The following SHC3 variants were observed in gnomAD, a reference collection of about 807,000 sequenced individuals.
The protein encoded by SHC3 is SHC-transforming protein 3.
A neutral mutation model predicts 60.4 loss-of-function variants in SHC3; 15 were observed. That is an observed-to-expected ratio of 0.25 (90% CI 0.17 to 0.38). The LOEUF is 0.38. Ranked by LOEUF, SHC3 falls within the 10% of genes least tolerant of loss-of-function variation. The pLI, the probability that SHC3 is intolerant of heterozygous loss-of-function variation, is 1.00. For synonymous variants in SHC3, 294 were observed against 325.9 expected, an observed-to-expected ratio of 0.90 and a Z score of 1.05; for missense variants, 677 against 786.1, an observed-to-expected ratio of 0.86 and a Z score of 1.66.
chr9:89,038,892 G>GT (rs1316526242), intron 10 of SHC3, among the ~76,000 whole-genome samples: 1 of 152,168 alleles, frequency 6.6e-6, no homozygotes, highest in Non-Finnish European at 1.5e-5. Flanking sequence ...TTTCCCTGTG[G>GT]AACGAGGCTC....
intron 7 of SHC3, among the ~76,000 whole-genome samples, chr9:89,048,169 G>A (rs1197449806): frequency 1.3e-5 from 2 of 151,540 alleles, no homozygotes; most frequent in Non-Finnish European, 2.9e-5. Flanking sequence ...GCTTGAACCC[G>A]GGAGGTGGAT....
intron 2 of SHC3, among the ~76,000 whole-genome samples, chr9:89,090,737 A>G (rs988209134): frequency 2.0e-5 from 3 of 152,224 alleles, no homozygotes; most frequent in Non-Finnish European, 2.9e-5. Context: ...ACAACAGGGA[A>G]CCCAAGAAAA....
chr9:89,051,628 G>C lies in SHC3; in HGVS notation c.962+409C>G, dbSNP rs553312942. On this transcript the variant is annotated intron_variant, in intron 7 of 11. Coordinates refer to ENST00000375835, the MANE Select transcript of SHC3 (RefSeq NM_016848.6). ...GCCGGTAGCCAGCACAGTGCCTCAC[G>C]GAGGGGACCTCTTGTAGCACGACTT... is the stretch of plus-strand genomic sequence containing the variant. Among the ~76,000 whole-genome samples, 69 of 152,302 alleles carry C rather than the reference G, an allele frequency of 4.5e-4. 1 individual carries two copies. Among genetic ancestry groups the C allele is most frequent in the Non-Finnish European group, 9.0e-4 (61 of 68,034 alleles).
intron 11 of SHC3, among the ~76,000 whole-genome samples, chr9:89,024,241 G>A: frequency 6.6e-6 from 1 of 152,156 alleles, no homozygotes; most frequent in Non-Finnish European, 1.5e-5. Context: ...TGCACAAGCA[G>A]CATCCTGTGC....
At chr9:89,017,286 G>A (rs1460371431) in intron 11 of SHC3, among the ~76,000 whole-genome samples, 1 of 152,182 alleles carries the variant, frequency 6.6e-6, no homozygotes. Flanking sequence ...CACGGTACTA[G>A]TACTGAAACA....
chr9:89,022,796 G>A (rs774558905), intron 11 of SHC3, among the ~76,000 whole-genome samples: 1 of 152,142 alleles, frequency 6.6e-6, no homozygotes, highest in Non-Finnish European at 1.5e-5. Flanking sequence ...CTTATTTTAA[G>A]TGCATCTTAT....
intron 2 of SHC3, among the ~76,000 whole-genome samples, chr9:89,083,522 C>T (rs1825479657): frequency 6.6e-6 from 1 of 152,196 alleles, no homozygotes. Flanking sequence ...CGCCTTTTTA[C>T]TAGACCCTGA....
chr9:89,161,119 G>A (rs1826698758), intron 1 of SHC3, among the ~76,000 whole-genome samples: 1 of 152,098 alleles, frequency 6.6e-6, no homozygotes, highest in South Asian at 2.1e-4. Flanking sequence ...TTTGGATCTG[G>A]TCCCCACCCA....
At chr9:89,083,387 C>T (rs1038786665) in intron 2 of SHC3, among the ~76,000 whole-genome samples, 5 of 152,172 alleles carry the variant, frequency 3.3e-5, no homozygotes, top group African/African-American at 7.2e-5. Context: ...GGACAGTGGA[C>T]GTGCAGGAGC....
chr9:89,104,761 C>A (rs949947420), intron 2 of SHC3, among the ~76,000 whole-genome samples: 7 of 152,208 alleles, frequency 4.6e-5, no homozygotes, highest in South Asian at 2.1e-4. Context: ...ATCCTCTCAC[C>A]CTCCAATCCA....
chr9:89,059,356 T>TG (rs1825026073), intron 6 of SHC3, among the ~76,000 whole-genome samples: 1 of 92,594 alleles, frequency 1.1e-5, no homozygotes, highest in Non-Finnish European at 1.9e-5. Flanking sequence ...TGGTGGAGGA[T>TG]GTAGTGGAGG....
intron 7 of SHC3, among the ~76,000 whole-genome samples, chr9:89,048,072 T>C (rs1056968389): frequency 2.6e-5 from 4 of 151,978 alleles, no homozygotes; most frequent in African/African-American, 9.7e-5. Context: ...GGTGAAACCC[T>C]GTCTCTACTA....
At chr9:89,064,865 G>GA (rs1237775890) in intron 6 of SHC3, among the ~76,000 whole-genome samples, 1 of 152,050 alleles carries the variant, frequency 6.6e-6, no homozygotes, top group Non-Finnish European at 1.5e-5. Context: ...GGGGTAGGGG[G>GA]GTAGTGAAAG....
At chr9:89,093,941 TA>T (rs1825662715) in intron 2 of SHC3, among the ~76,000 whole-genome samples, 1 of 151,824 alleles carries the variant, frequency 6.6e-6, no homozygotes, top group Admixed American at 6.6e-5. Flanking sequence ...CCATCTCTAC[TA>T]AAAGTACAAA....
chr9:89,054,951 C>T (rs1317952146), intron 6 of SHC3, among the ~76,000 whole-genome samples: 4 of 152,228 alleles, frequency 2.6e-5, no homozygotes, highest in African/African-American at 4.8e-5. Flanking sequence ...CAAGCTGCCC[C>T]GGAGCAGCCA....
At chr9:89,017,837 A>G (rs766648353) in intron 11 of SHC3, among the ~76,000 whole-genome samples, 1 of 152,260 alleles carries the variant, frequency 6.6e-6, no homozygotes, top group Non-Finnish European at 1.5e-5. Context: ...GCCAAAGGAT[A>G]TGAACAGACA....
At chr9:89,084,110 A>G (rs1825489701) in intron 2 of SHC3, among the ~76,000 whole-genome samples, 1 of 152,212 alleles carries the variant, frequency 6.6e-6, no homozygotes, top group Non-Finnish European at 1.5e-5. Context: ...ATGTGTTGAA[A>G]TCACTTTAAT....
Position 89,065,514 on chromosome 9 carries a change from T to C in SHC3, c.835+15A>G. ...GTACACAAACAAGAGATTAAAGGGGTCAAGCACCGCTTACCTCTGCGATTA... is the reference window on the plus strand; with the variant it reads ...GTACACAAACAAGAGATTAAAGGGGCCAAGCACCGCTTACCTCTGCGATTA... On this transcript the variant is annotated intron_variant, in intron 6 of 11. Coordinates refer to ENST00000375835, the MANE Select transcript of SHC3 (RefSeq NM_016848.6). The C allele has an allele frequency of 1.9e-6, 3 of 1,613,548 alleles. No homozygotes were observed. Among genetic ancestry groups the C allele is most frequent in the African/African-American group, 1.3e-5 (1 of 74,850 alleles).
chr9:89,120,733 A>T (rs1351625491), intron 1 of SHC3, among the ~76,000 whole-genome samples: 1 of 152,202 alleles, frequency 6.6e-6, no homozygotes, highest in Non-Finnish European at 1.5e-5. Flanking sequence ...TTTCTTTCCC[A>T]TATAGAGTTT....
Sources: allele counts gnomAD v4.1 joint callset (sites outside exome capture counted in the v4.1 genomes callset), GRCh38; gene constraint gnomAD v4.1.1; transcripts MANE v1.5; gene names NCBI Gene and HGNC (gene_info 2026-07-23, HGNC 2026-07-21).